Variants in ANK3 observed in about 807,000 individuals in gnomAD.
ANK3 encodes ankyrin-3.
A neutral mutation model predicts 370.9 loss-of-function variants in ANK3; 57 were observed. That is an observed-to-expected ratio of 0.15 (90% CI 0.12 to 0.19). ANK3 has a LOEUF of 0.19. ANK3 is among the 10% of genes least tolerant of loss of function. The pLI is 1.00. For missense variants in ANK3, 4,439 were observed against 5,302.1 expected (o/e 0.84, Z 5.06); for synonymous variants, 1,929 against 1,946.3 (o/e 0.99, Z 0.23).
chr10:60,565,907 G>T (rs10509132), intron 2 of ANK3, among the ~76,000 whole-genome samples: 71,378 of 151,914 alleles, frequency 0.47, 17,165 homozygotes, highest in Non-Finnish European at 0.52. Context: ...ATACCAGCAC[G>T]ATTCATTTTA....
At chr10:60,445,668 T>C (rs916769171) in intron 2 of ANK3, among the ~76,000 whole-genome samples, 5 of 152,078 alleles carry the variant, frequency 3.3e-5, no homozygotes, top group African/African-American at 9.7e-5. Context: ...ATAACTGCAA[T>C]AACAGTTTTA....
chr10:60,205,805 T>C lies in ANK3; in HGVS notation c.1280A>G (p.Gln427Arg), dbSNP rs757660643. 6.2e-7 allele frequency: 1 copy of C among 1,613,238 alleles called. No homozygotes were observed. The highest frequency in any genetic ancestry group is 2.2e-5 in the East Asian group (1 of 44,870). Residue 427 changes from glutamine to arginine, a missense_variant, in exon 11 of 44, where the codon CAA (glutamine) becomes CGA (arginine). Coordinates refer to ENST00000280772, the MANE Select transcript of ANK3 (RefSeq NM_020987.5). ...AACTCTTCTCACCTCGGTTACAGCT[T>C]GGATGGATGCACCGTGTTTCAGAAG... Reference protein sequence around the residue: ...ELLLKHGASIQAVTESGLTPI... With the variant: ...ELLLKHGASIRAVTESGLTPI...
chr10:60,189,809 TTAAAA>T (rs1479033899), intron 16 of ANK3, among the ~76,000 whole-genome samples: 23 of 152,292 alleles, frequency 1.5e-4, no homozygotes, highest in Admixed American at 3.3e-4. Flanking sequence ...CATTTCAAAA[TTAAAA>T]TAAAAGCAAA....
At chr10:60,444,698 C>T (rs1306131311) in intron 2 of ANK3, among the ~76,000 whole-genome samples, 1 of 151,602 alleles carries the variant, frequency 6.6e-6, no homozygotes, top group Non-Finnish European at 1.5e-5. Context: ...ATCTTTTTTT[C>T]TTTTTAAGCA....
chr10:60,291,828 T>C (rs946071063), intron 1 of ANK3, among the ~76,000 whole-genome samples: 2 of 152,126 alleles, frequency 1.3e-5, no homozygotes, highest in African/African-American at 2.4e-5. Flanking sequence ...TCCTCCCACC[T>C]TGACCTCCCT....
At chr10:60,567,404 T>C (rs2077489444) in intron 2 of ANK3, among the ~76,000 whole-genome samples, 1 of 152,198 alleles carries the variant, frequency 6.6e-6, no homozygotes, top group Non-Finnish European at 1.5e-5. Context: ...ACAGTACATC[T>C]GTCTACAGCA....
chr10:60,225,267 T>G (rs1288956030), intron 8 of ANK3, among the ~76,000 whole-genome samples: 1 of 152,126 alleles, frequency 6.6e-6, no homozygotes, highest in Non-Finnish European at 1.5e-5. Context: ...GTGTCCTCAT[T>G]TTTTTTGTGT....
intron 1 of ANK3, among the ~76,000 whole-genome samples, chr10:60,645,227 C>T (rs2078694706): frequency 6.6e-6 from 1 of 151,960 alleles, no homozygotes; most frequent in African/African-American, 2.4e-5. Context: ...ATTACAAAAA[C>T]AAAACAAAAT....
chr10:60,520,771 T>C (rs969268762), intron 2 of ANK3, among the ~76,000 whole-genome samples: 1 of 152,150 alleles, frequency 6.6e-6, no homozygotes, highest in Non-Finnish European at 1.5e-5. Context: ...CAGAAATTAT[T>C]TGTCCTTCTA....
chr10:60,377,136 A>C (rs889142881), intron 1 of ANK3, among the ~76,000 whole-genome samples: 1 of 152,236 alleles, frequency 6.6e-6, no homozygotes, highest in Admixed American at 6.5e-5. Flanking sequence ...ATCGGGGTGC[A>C]GTGGCCAAGC....
In ANK3 at chr10:60,627,870, T is replaced by C. The variant is rs550205023; in HGVS notation, c.58-12646A>G. Among the ~76,000 whole-genome samples, 4 of 152,280 alleles carry C rather than the reference T, an allele frequency of 2.6e-5. No individual in the cohort carries two copies. The South Asian group carries it at 6.2e-4, about 24-fold the overall frequency. Reference sequence around the variant, plus strand: ...AACATCACTAGTGTTGTTATCTTCATTATACGAATAAGGAAACTGAGCCCT... The same window carrying C: ...AACATCACTAGTGTTGTTATCTTCACTATACGAATAAGGAAACTGAGCCCT... On this transcript the variant is annotated intron_variant, in intron 1 of 43. Coordinates refer to the ANK3 transcript ENST00000373827.
At chr10:60,277,834 C>A (rs574082984) in intron 4 of ANK3, among the ~76,000 whole-genome samples, 48 of 152,186 alleles carry the variant, frequency 3.2e-4, no homozygotes, top group Middle Eastern at 3.4e-3. Context: ...GAGACAATGA[C>A]AAATAAGGAT....
intron 1 of ANK3, among the ~76,000 whole-genome samples, chr10:60,655,043 T>C (rs2133366238): frequency 6.6e-6 from 1 of 152,260 alleles, no homozygotes; most frequent in South Asian, 2.1e-4. Context: ...GTGGTAAGAC[T>C]GGTGTAAACA....
At chr10:60,549,140 TACACACACACACACAC>T (rs3047236) in intron 2 of ANK3, among the ~76,000 whole-genome samples, 84 of 145,640 alleles carry the variant, frequency 5.8e-4, no homozygotes, top group African/African-American at 2.0e-3. Context: ...GCATGTTTCA[TACACACACACACACAC>T]ACACACACAC....
chr10:60,717,609 A>T (rs2079808179), intron 1 of ANK3, among the ~76,000 whole-genome samples: 1 of 152,236 alleles, frequency 6.6e-6, no homozygotes, highest in Non-Finnish European at 1.5e-5. Flanking sequence ...GTTTATAACA[A>T]TCCTATGGGA....
chr10:60,245,118 G>A lies in ANK3; in HGVS notation c.799-10332C>T, dbSNP rs1045936886. On this transcript the variant is annotated intron_variant, in intron 7 of 43. Coordinates refer to ENST00000280772, the MANE Select transcript of ANK3 (RefSeq NM_020987.5). ...CGGGAGGCCGAGCTTGCAGTGAGCC[G>A]AGATTGCGCCACTGCACTCCAGCCT... Among the ~76,000 whole-genome samples the A allele has an allele frequency of 2.8e-4, 43 of 152,040 alleles. 1 individual carries two copies. Among genetic ancestry groups the A allele is most frequent in the Non-Finnish European group, 2.1e-4 (14 of 68,012 alleles).
At position 60,584,334 on chromosome 10, in the gene ANK3, C is replaced by T. The variant is rs549246030; in HGVS notation, c.96+30852G>A. ...TTGATTATGGAAGGAACAATAAGCACGAGTCTGGGTGTAATGGCTCATGCC... is the reference window on the plus strand; with the variant it reads ...TTGATTATGGAAGGAACAATAAGCATGAGTCTGGGTGTAATGGCTCATGCC... On this transcript the variant is annotated intron_variant, in intron 2 of 43. Coordinates refer to the ANK3 transcript ENST00000373827. Among the ~76,000 whole-genome samples the T allele has an allele frequency of 1.2e-3, 184 of 152,194 alleles. 1 individual carries two copies. The highest frequency in any genetic ancestry group is 6.8e-3 in the Middle Eastern group (2 of 294).
At chr10:60,051,321 T>C (rs1295424087) in intron 42 of ANK3, among the ~76,000 whole-genome samples, 2 of 152,196 alleles carry the variant, frequency 1.3e-5, no homozygotes, top group African/African-American at 4.8e-5. Flanking sequence ...TTGTTGTTTT[T>C]ACAAGCTTTC....
intron 1 of ANK3, among the ~76,000 whole-genome samples, chr10:60,313,377 C>CA (rs79789365): frequency 4.2e-4 from 64 of 151,226 alleles, no homozygotes; most frequent in East Asian, 3.3e-3. Flanking sequence ...ATTGAGATTG[C>CA]AAAAAAAAGA....
Sources: gnomAD v4.1 joint callset for allele counts (sites outside exome capture counted in the v4.1 genomes callset) on GRCh38, gnomAD v4.1.1 for gene constraint, MANE v1.5 for transcripts, NCBI Gene and HGNC (gene_info 2026-07-23, HGNC 2026-07-21) for gene names.